Variants in ALG13 observed in about 807,000 individuals in gnomAD.
The protein encoded by ALG13 is ALG13 UDP-N-acetylglucosaminyltransferase subunit, also known as UDP-N-acetylglucosamine transferase subunit ALG13.
Under a neutral mutation model 87.8 loss-of-function variants are expected in ALG13, and 11 were observed. That is an observed-to-expected ratio of 0.13 (90% CI 0.08 to 0.21). The LOEUF is 0.21. ALG13 is among the 10% of genes least tolerant of loss of function. The pLI is 1.00. For synonymous variants in ALG13, 320 were observed against 306.3 expected (o/e 1.04, Z -0.47); for missense variants, 756 against 866.1 (o/e 0.87, Z 1.60).
At chrX:111,751,209 C>T (rs1944716336) in intron 24 of ALG13, among the ~76,000 whole-genome samples, 1 of 109,018 alleles carries the variant, frequency 9.2e-6, no homozygotes, top group Non-Finnish European at 1.9e-5. Flanking sequence ...GCTGGGATTA[C>T]AGGCACGTGC....
intron 3 of ALG13, among the ~76,000 whole-genome samples, chrX:111,693,127 C>T (rs763877844): frequency 6.4e-4 from 69 of 107,799 alleles, no homozygotes; most frequent in African/African-American, 2.3e-3. Flanking sequence ...GGCTAATTCC[C>T]TACGTGAATG....
chrX:111,685,265 C>T (rs1234820707), intron 3 of ALG13, 162 bp downstream of exon 3: 2 of 537,721 alleles, frequency 3.7e-6, no homozygotes, highest in African/African-American at 2.4e-5. Flanking sequence ...TTGTTTGTCT[C>T]CCATTTTGCA....
At chrX:111,749,388 T>C (rs1373313544) in intron 24 of ALG13, among the ~76,000 whole-genome samples, 1 of 110,924 alleles carries the variant, frequency 9.0e-6, no homozygotes, top group Non-Finnish European at 1.9e-5. Context: ...CTGTGCCCTC[T>C]TTTGTTGCAT....
intron 6 of ALG13, among the ~76,000 whole-genome samples, chrX:111,712,232 T>C (rs1939891878): frequency 1.8e-5 from 2 of 112,131 alleles, no homozygotes; most frequent in Admixed American, 1.9e-4. Flanking sequence ...ATTTTTATTG[T>C]GTTTTTAAAA....
chrX:111,742,440 C>CAA (rs755617504), intron 23 of ALG13, among the ~76,000 whole-genome samples: 12 of 62,483 alleles, frequency 1.9e-4, no homozygotes, highest in South Asian at 1.4e-3. Context: ...AATGGAATGC[C>CAA]AAAAAAAAAA....
intron 13 of ALG13, 42 bp from the exon 14 acceptor site, chrX:111,723,756 T>C (rs940429274): frequency 2.3e-6 from 2 of 856,215 alleles, no homozygotes; most frequent in African/African-American, 2.0e-5. Context: ...GCATTAGCTG[T>C]ATCTGTCACT....
intron 5 of ALG13, among the ~76,000 whole-genome samples, chrX:111,710,585 C>T (rs974548485): frequency 5.4e-5 from 6 of 111,769 alleles, no homozygotes; most frequent in Non-Finnish European, 1.1e-4. Context: ...TATAGAGGGG[C>T]ACAAGGGTAC....
chrX:111,743,527 C>G (rs138866327), intron 23 of ALG13, among the ~76,000 whole-genome samples: 40 of 111,884 alleles, frequency 3.6e-4, no homozygotes, highest in Non-Finnish European at 7.2e-4. Flanking sequence ...GAGATAATTG[C>G]ATCACTCCTA....
intron 3 of ALG13, among the ~76,000 whole-genome samples, chrX:111,692,346 C>T (rs746393988): frequency 3.6e-5 from 4 of 111,937 alleles, no homozygotes; most frequent in Non-Finnish European, 7.5e-5. Context: ...GATTCCTGCT[C>T]TGAAGGACCT....
At chrX:111,746,849 G>A (rs772081717) in intron 24 of ALG13, among the ~76,000 whole-genome samples, 2 of 111,560 alleles carry the variant, frequency 1.8e-5, no homozygotes, top group East Asian at 2.8e-4. Flanking sequence ...GTTTATTGTC[G>A]CCACACTCCT....
chrX:111,723,122 AT>A (rs1168801910), intron 13 of ALG13, among the ~76,000 whole-genome samples: 1 of 106,137 alleles, frequency 9.4e-6, no homozygotes, highest in East Asian at 2.9e-4. Context: ...TGCCTGGCTA[AT>A]TTTTTTTATT....
intron 3 of ALG13, among the ~76,000 whole-genome samples, chrX:111,707,111 T>C (rs912035609): frequency 9.0e-6 from 1 of 111,091 alleles, no homozygotes; most frequent in Non-Finnish European, 1.9e-5. Context: ...AACAAGCAAT[T>C]GGGCCTGCCT....
intron 26 of ALG13, among the ~76,000 whole-genome samples, chrX:111,759,473 C>A (rs1212354674): frequency 8.9e-6 from 1 of 111,737 alleles, no homozygotes; most frequent in Non-Finnish European, 1.9e-5. Context: ...ATTTAGCTTG[C>A]TGATACCTAA....
intron 24 of ALG13, among the ~76,000 whole-genome samples, chrX:111,750,355 G>A (rs1944608938): frequency 9.0e-6 from 1 of 111,356 alleles, no homozygotes; most frequent in Non-Finnish European, 1.9e-5. Flanking sequence ...TTTTCTCTAA[G>A]CATACTATTT....
chrX:111,730,601 A>C, intron 21 of ALG13, 21 bp downstream of exon 21: 1 of 1,129,455 alleles, frequency 8.9e-7, no homozygotes. Flanking sequence ...AATAATAGCA[A>C]AGAGTTATAG....
chrX:111,756,236 G>T (rs1945241371), intron 25 of ALG13, among the ~76,000 whole-genome samples: 1 of 111,141 alleles, frequency 9.0e-6, no homozygotes, highest in South Asian at 3.9e-4. Context: ...ACAGGGAGGT[G>T]AACATCACAC....
At chrX:111,681,662 T>G in intron 1 of ALG13, 1 of 895,695 alleles carries the variant, frequency 1.1e-6, no homozygotes, top group Non-Finnish European at 1.4e-6. Flanking sequence ...TCGGCAGTTT[T>G]TCCTCAGGCC....
At chrX:111,683,492 G>A (rs1463724326) in intron 2 of ALG13, among the ~76,000 whole-genome samples, 4 of 107,827 alleles carry the variant, frequency 3.7e-5, no homozygotes, top group Admixed American at 1.0e-4. Flanking sequence ...ACCACGCCCC[G>A]GCTAATTTTT....
chrX:111,740,057 T>C (rs1210646337), intron 23 of ALG13, among the ~76,000 whole-genome samples: 1 of 111,520 alleles, frequency 9.0e-6, no homozygotes, highest in East Asian at 2.8e-4. Flanking sequence ...ATTAAATACA[T>C]AGTTACCTGT....
Sources: allele counts gnomAD v4.1 joint callset (sites outside exome capture counted in the v4.1 genomes callset), GRCh38; gene constraint gnomAD v4.1.1; transcripts MANE v1.5; gene names NCBI Gene and HGNC (gene_info 2026-07-23, HGNC 2026-07-21).